Variants in CCDC81 observed in about 807,000 individuals in gnomAD.
The protein encoded by CCDC81 is coiled-coil domain-containing protein 81.
A neutral mutation model predicts 83.7 loss-of-function variants in CCDC81; 79 were observed. The ratio of observed to expected loss-of-function variants is 0.94; its 90% CI spans 0.79 to 1.14. The LOEUF (loss-of-function observed/expected upper bound fraction) is 1.14. Among genes scored for constraint, CCDC81 ranks in the 50% most tolerant of loss-of-function variants. The pLI, the probability that CCDC81 is intolerant of heterozygous loss-of-function variation, is 0.00. For synonymous variants in CCDC81, 252 were observed against 278.1 expected (o/e 0.91, Z 0.93); for missense variants, 791 against 778.1 (o/e 1.02, Z -0.20).
At chr11:86,407,589 A>G in intron 7 of CCDC81, 25 bp from the exon 8 acceptor site, 1 of 1,494,720 alleles carries the variant, frequency 6.7e-7, no homozygotes, top group Non-Finnish European at 9.3e-7. Context: ...ATTAAACATT[A>G]ATTAATGTTG....
Position 86,375,223 on chromosome 11 carries a change from G to A in CCDC81, c.60G>A (p.Leu20=). 6.2e-7 allele frequency: 1 copy of A among 1,611,636 alleles called. No individual in the cohort carries two copies. The highest frequency in any genetic ancestry group is 8.5e-7 in the Non-Finnish European group (1 of 1,179,808). The change falls in exon 1 of 15, where the codon CTG becomes CTA. Residue 20 remains leucine, a synonymous_variant. Coordinates refer to ENST00000445632, the MANE Select transcript of CCDC81 (RefSeq NM_001156474.2). ...TGGGCAGGCAGGTGCTGCCCACTCT[G>A]CCCTCGCTGAGCCAGGAGGGTAAGC... ...QDLGRQVLPT[L]PSLSQEEVSI...
At chr11:86,407,799 G>A in intron 8 of CCDC81, 98 bp downstream of exon 8, 1 of 920,134 alleles carries the variant, frequency 1.1e-6, no homozygotes, top group South Asian at 1.5e-5. Context: ...AATTATATGA[G>A]TATGGCTCAA....
At chr11:86,422,468 C>A (rs1476658427) in intron 14 of CCDC81, 106 bp from the exon 15 acceptor site, 1 of 969,670 alleles carries the variant, frequency 1.0e-6, no homozygotes, top group African/African-American at 1.6e-5. Flanking sequence ...GCAGAGAACG[C>A]AAGGTGTCAC....
chr11:86,382,995 A>T (rs920844196), intron 1 of CCDC81, among the ~76,000 whole-genome samples: 1 of 152,236 alleles, frequency 6.6e-6, no homozygotes, highest in Admixed American at 6.5e-5. Flanking sequence ...ACCTTTCACA[A>T]ATTATCTATT....
chr11:86,412,641 T>A (rs991085926), intron 11 of CCDC81, 82 bp downstream of exon 11: 31 of 1,269,950 alleles, frequency 2.4e-5, no homozygotes, highest in Admixed American at 1.6e-4. Flanking sequence ...TGAATCAGCA[T>A]TGGTAGTTTC....
At position 86,419,912 on chromosome 11, in the gene CCDC81, G is replaced by C; in HGVS notation, c.1692-16G>C. 1 of 1,607,650 alleles carries C rather than the reference G, an allele frequency of 6.2e-7. No homozygotes were observed. The highest frequency in any genetic ancestry group is 1.3e-5 in the African/African-American group (1 of 74,702). ...CTTCCAAGTATTATGGAGCCAGGCT[G>C]TTCTTTTCTCTCCAGGCACTTGGCA... is the stretch of plus-strand genomic sequence containing the variant. On this transcript the variant is annotated splice_polypyrimidine_tract_variant and intron_variant, in intron 13 of 14. Coordinates refer to ENST00000445632, the MANE Select transcript of CCDC81 (RefSeq NM_001156474.2).
chr11:86,386,942 T>C (rs1948249862), intron 2 of CCDC81, among the ~76,000 whole-genome samples: 1 of 152,206 alleles, frequency 6.6e-6, no homozygotes, highest in Middle Eastern at 3.2e-3. Flanking sequence ...TCTCTTGCTT[T>C]CTTTTTTGGC....
Position 86,375,242 on chromosome 11 carries a change from G to A in CCDC81, c.79G>A (p.Glu27Lys). The A allele has an allele frequency of 6.2e-7, 1 of 1,609,020 alleles. No individual in the cohort carries two copies. Among genetic ancestry groups the A allele is most frequent in the Non-Finnish European group, 8.5e-7 (1 of 1,179,574 alleles). Residue 27 changes from glutamate (E) to lysine (K), a missense_variant and splice_region_variant, in exon 1 of 15, where the codon GAA (glutamate) becomes AAA (lysine). Glu to Lys is a moderately conservative substitution (Grantham distance 56). Transcript: ENST00000445632. The stretch of plus-strand genomic sequence containing the variant: ...CACTCTGCCCTCGCTGAGCCAGGAG[G>A]GTAAGCGTGTTGGGTAGCAGGGGGT... ...LPTLPSLSQE[E>K]VSIIWGNVSE... is the part of the protein sequence containing the mutation.
chr11:86,375,343 T>C lies in CCDC81; in HGVS notation c.79+101T>C, dbSNP rs1439362736. ...ACTTCCCAATTCCCTGGCTCAGGCC[T>C]GGCCTGCCGTGGCTAAGTTGCCTTG... On this transcript the variant is annotated intron_variant, in intron 1 of 14. Coordinates refer to ENST00000445632, the MANE Select transcript of CCDC81 (RefSeq NM_001156474.2). 3.1e-6 allele frequency: 3 copies of C among 978,734 alleles called. No individual in the cohort carries two copies. In the African/African-American group the frequency reaches 4.9e-5, roughly 16 times the overall value. 60.6% of individuals were successfully genotyped at this position (978,734 alleles called of 1,614,324 possible).
intron 1 of CCDC81, among the ~76,000 whole-genome samples, chr11:86,382,359 G>A (rs7937488): frequency 0.43 from 64,936 of 151,858 alleles, 14,429 homozygotes; most frequent in African/African-American, 0.54. Flanking sequence ...CAACTTGGAG[G>A]TAAAATCTAC....
rs140550675 is a variant in CCDC81, at chr11:86,375,509, G to A, written c.79+267G>A. Among the ~76,000 whole-genome samples the A allele has an allele frequency of 3.2e-3, 490 of 152,196 alleles. 3 individuals are homozygous for A. Among genetic ancestry groups the A allele is most frequent in the African/African-American group, 0.011 (459 of 41,514 alleles). The stretch of plus-strand genomic sequence containing the variant: ...AGCACAAAGTAAGTGCTCAATAAAG[G>A]TTAGGTAAAAACAGCCACTCCCACA... On this transcript the variant is annotated intron_variant, in intron 1 of 14. Coordinates refer to ENST00000445632, the MANE Select transcript of CCDC81 (RefSeq NM_001156474.2).
intron 5 of CCDC81, among the ~76,000 whole-genome samples, chr11:86,396,009 ACT>A (rs1315877185): frequency 6.6e-6 from 1 of 150,838 alleles, no homozygotes; most frequent in East Asian, 2.0e-4. Flanking sequence ...TATTAGTAAA[ACT>A]CTTCTCACCT....
Position 86,400,886 on chromosome 11 carries a change from C to G in CCDC81, c.881+85C>G, listed in dbSNP as rs1353895850. The G allele has an allele frequency of 1.1e-5, 15 of 1,335,758 alleles. No individual in the cohort carries two copies. The East Asian group carries it at 3.3e-4, about 30-fold the overall frequency. The allele number at this position is 1,335,758 out of a possible 1,614,324, so 82.7% of individuals were successfully genotyped here. A position where few individuals can be genotyped will look rare whatever the true frequency, so the allele number is the denominator to read the frequency against. On this transcript the variant is annotated intron_variant, in intron 7 of 14. Coordinates refer to ENST00000445632, the MANE Select transcript of CCDC81 (RefSeq NM_001156474.2). The stretch of plus-strand genomic sequence containing the variant: ...CTTGATGCGGGGAACTGTAATTGTT[C>G]ATTAATTCATTTATCCAGTGTTCTT...
rs142924566 is a variant in CCDC81 at position 86,390,826 on chromosome 11, T to C, written c.299-1715T>C. Among the ~76,000 whole-genome samples the C allele has an allele frequency of 1.0e-2, 1,518 of 152,232 alleles. 10 individuals carry two copies. The highest frequency in any genetic ancestry group is 0.017 in the Middle Eastern group (5 of 294). ...TGGATTTCGGTGGTGGATAAAATAG[T>C]GAATTTGCTTTTGCACATGCTGAAT... On this transcript the variant is annotated intron_variant, in intron 3 of 14. Coordinates refer to ENST00000445632, the MANE Select transcript of CCDC81 (RefSeq NM_001156474.2).
At chr11:86,416,780 A>T (rs1215696087) in intron 13 of CCDC81, among the ~76,000 whole-genome samples, 1 of 152,132 alleles carries the variant, frequency 6.6e-6, no homozygotes, top group Admixed American at 6.5e-5. Flanking sequence ...TCTCTGGTTC[A>T]TCTTAACATG....
At chr11:86,379,397 A>C (rs1246237538) in intron 1 of CCDC81, among the ~76,000 whole-genome samples, 1 of 152,094 alleles carries the variant, frequency 6.6e-6, no homozygotes, top group East Asian at 1.9e-4. Flanking sequence ...TGCCAGGCCC[A>C]GTTATACTTT....
At position 86,415,172 on chromosome 11, in the gene CCDC81, T is replaced by C; in HGVS notation, c.1550T>C (p.Leu517Pro). 1 of 1,614,192 alleles carries C rather than the reference T, an allele frequency of 6.2e-7. No homozygotes were observed. Among genetic ancestry groups the C allele is most frequent in the Non-Finnish European group, 8.5e-7 (1 of 1,180,042 alleles). ...EPIFGKNEGE[L>P]MVEKQKREQN... ...ATCTTTGGTAAGAATGAGGGTGAAC[T>C]GATGGTGGAAAAGCAAAAGCGAGAA... The change falls in exon 13 of 15, where the codon CTG becomes CCG. Residue 517 changes from leucine to proline, a missense_variant. Transcript: ENST00000445632.
chr11:86,399,302 T>C (rs186924427), intron 6 of CCDC81, among the ~76,000 whole-genome samples: 2 of 152,136 alleles, frequency 1.3e-5, no homozygotes, highest in Non-Finnish European at 2.9e-5. Context: ...GACCCCTTTT[T>C]TGGGAAAAAT....
At chr11:86,417,116 C>T (rs943956384) in intron 13 of CCDC81, among the ~76,000 whole-genome samples, 2 of 151,566 alleles carry the variant, frequency 1.3e-5, no homozygotes, top group African/African-American at 4.9e-5. Context: ...TGTTGGTGTG[C>T]GCCTGTAATC....
Sources: allele counts gnomAD v4.1 joint callset (sites outside exome capture counted in the v4.1 genomes callset), GRCh38; gene constraint gnomAD v4.1.1; transcripts MANE v1.5; gene names NCBI Gene and HGNC (gene_info 2026-07-23, HGNC 2026-07-21).